TAFA4: variants seen among roughly 807,000 people sequenced by gnomAD.
TAFA4 encodes the protein TAFA chemokine like family member 4, also known as chemokine-like protein TAFA-4.
A neutral mutation model predicts 21.1 loss-of-function variants in TAFA4; 20 were observed. The ratio of observed to expected loss-of-function variants is 0.95; its 90% CI spans 0.67 to 1.38. The LOEUF (loss-of-function observed/expected upper bound fraction) is 1.38, where lower values mean the gene tolerates loss of function less well. TAFA4 is among the 40% of genes most tolerant of loss of function. The pLI is 0.00. For synonymous variants in TAFA4, 71 were observed against 67.4 expected, an observed-to-expected ratio of 1.05 and a Z score of -0.26; for missense variants, 211 against 180.9, an observed-to-expected ratio of 1.17 and a Z score of -0.95.
At chr3:68,783,462 G>A (rs1703186091) in intron 3 of TAFA4, among the ~76,000 whole-genome samples, 1 of 152,108 alleles carries the variant, frequency 6.6e-6, no homozygotes, top group Non-Finnish European at 1.5e-5. Flanking sequence ...ACTGAGATGA[G>A]GAGAGGCCTT....
chr3:68,784,914 G>A (rs1352148611), intron 3 of TAFA4, among the ~76,000 whole-genome samples: 1 of 151,858 alleles, frequency 6.6e-6, no homozygotes, highest in Admixed American at 6.5e-5. Context: ...CCCCACCAGA[G>A]TAGCTAGATA....
chr3:68,755,463 G>T (rs1702644145), intron 3 of TAFA4, among the ~76,000 whole-genome samples: 1 of 152,172 alleles, frequency 6.6e-6, no homozygotes, highest in South Asian at 2.1e-4. Context: ...TTCTAGGAAA[G>T]GGTGCATCTG....
Position 68,836,134 on chromosome 3 carries a change from G to A in TAFA4, c.130+44596C>T, listed in dbSNP as rs189174168. ...AAGAAGGTATAATACCCAATCTCCC[G>A]CTTCGGGCCCCTTATGTTTTCTGGT... is the stretch of plus-strand genomic sequence containing the variant. On this transcript the variant is annotated intron_variant, in intron 3 of 5. Transcript: ENST00000295569. 7.2e-5 allele frequency among the ~76,000 whole-genome samples: 11 copies of A among 152,254 alleles called. No homozygotes were observed. In the East Asian group the frequency reaches 7.7e-4, roughly 11 times the overall value.
At chr3:68,878,519 C>T (rs2089579614) in intron 3 of TAFA4, among the ~76,000 whole-genome samples, 1 of 152,078 alleles carries the variant, frequency 6.6e-6, no homozygotes, top group Admixed American at 6.6e-5. Context: ...ATTTGCTACC[C>T]TCTTGTGGGG....
intron 3 of TAFA4, among the ~76,000 whole-genome samples, chr3:68,820,057 A>T (rs1379679707): frequency 6.6e-6 from 1 of 152,216 alleles, no homozygotes; most frequent in Non-Finnish European, 1.5e-5. Flanking sequence ...TGAATGAAGG[A>T]ATAAAGAAAA....
intron 3 of TAFA4, among the ~76,000 whole-genome samples, chr3:68,810,074 A>G (rs544115632): frequency 6.6e-6 from 1 of 152,332 alleles, no homozygotes; most frequent in South Asian, 2.1e-4. Context: ...GTGGTTCCAC[A>G]TGAATTTTAG....
intron 3 of TAFA4, among the ~76,000 whole-genome samples, chr3:68,796,535 A>G (rs1308096583): frequency 6.6e-6 from 1 of 152,220 alleles, no homozygotes; most frequent in South Asian, 2.1e-4. Context: ...CTAAAACTAT[A>G]AACTCTTAGA....
chr3:68,819,191 A>T lies in TAFA4; in HGVS notation c.130+61539T>A, dbSNP rs1199169725. ...AAGGCTGAGGTGGGAGAACCACTTG[A>T]GCCTGGAGGCGGAGGTTGCAGTGAG... On this transcript the variant is annotated intron_variant, in intron 3 of 5. Coordinates refer to ENST00000295569, the MANE Select transcript of TAFA4 (RefSeq NM_182522.5). Among the ~76,000 whole-genome samples, 4 of 148,874 alleles carry T rather than the reference A, an allele frequency of 2.7e-5. No individual in the cohort carries two copies. The Admixed American group carries it at 2.8e-4, about 10-fold the overall frequency.
intron 3 of TAFA4, among the ~76,000 whole-genome samples, chr3:68,771,710 C>T (rs772471423): frequency 6.6e-6 from 1 of 152,120 alleles, no homozygotes; most frequent in Admixed American, 6.5e-5. Flanking sequence ...AATGTGCAAA[C>T]AGATTCAGAG....
chr3:68,768,394 A>C (rs1395516096), intron 3 of TAFA4, among the ~76,000 whole-genome samples: 1 of 152,204 alleles, frequency 6.6e-6, no homozygotes, highest in African/African-American at 2.4e-5. Flanking sequence ...GAAAGCCACA[A>C]TGAGACATCA....
At chr3:68,747,702 C>T (rs1261011756) in intron 4 of TAFA4, among the ~76,000 whole-genome samples, 5 of 152,182 alleles carry the variant, frequency 3.3e-5, no homozygotes, top group Admixed American at 6.5e-5. Context: ...CCTATGCTGA[C>T]GAGGTGACCT....
intron 4 of TAFA4, among the ~76,000 whole-genome samples, chr3:68,748,311 T>G (rs1702497476): frequency 6.6e-6 from 1 of 152,192 alleles, no homozygotes; most frequent in Admixed American, 6.5e-5. Context: ...AAAAATACGT[T>G]TTAAGTGGAA....
intron 3 of TAFA4, among the ~76,000 whole-genome samples, chr3:68,858,959 T>A (rs2089288237): frequency 6.6e-6 from 1 of 151,334 alleles, no homozygotes; most frequent in South Asian, 2.1e-4. Context: ...GAGGGTGACA[T>A]AGAGAATGAA....
chr3:68,825,354 T>C (rs919792478), intron 3 of TAFA4, among the ~76,000 whole-genome samples: 1 of 152,202 alleles, frequency 6.6e-6, no homozygotes, highest in African/African-American at 2.4e-5. Context: ...ATGTACTACA[T>C]TTTCTTTATC....
intron 3 of TAFA4, among the ~76,000 whole-genome samples, chr3:68,853,769 G>A (rs946930587): frequency 1.3e-5 from 2 of 152,152 alleles, no homozygotes; most frequent in Non-Finnish European, 2.9e-5. Context: ...GAGGCATTCT[G>A]GATCCTCCAC....
rs1454250696 is a variant in TAFA4 at position 68,918,410 on chromosome 3, C to T, written c.-123+13830G>A. Among the ~76,000 whole-genome samples, 6 of 152,204 alleles carry T rather than the reference C, an allele frequency of 3.9e-5. No individual in the cohort carries two copies. The East Asian group carries it at 9.6e-4, about 24-fold the overall frequency. On this transcript the variant is annotated intron_variant, in intron 1 of 5. Coordinates refer to ENST00000295569, the MANE Select transcript of TAFA4 (RefSeq NM_182522.5). The stretch of plus-strand genomic sequence containing the variant: ...ACATGGGAATCTTATCCATCTTCTG[C>T]CTCTGTCATCCTCACTCAATCTACT...
At chr3:68,787,866 A>G (rs1703289605) in intron 3 of TAFA4, among the ~76,000 whole-genome samples, 1 of 152,238 alleles carries the variant, frequency 6.6e-6, no homozygotes, top group African/African-American at 2.4e-5. Context: ...AGCAACTTGT[A>G]ACCCGATTCC....
At chr3:68,825,104 C>T (rs890109759) in intron 3 of TAFA4, among the ~76,000 whole-genome samples, 2 of 152,178 alleles carry the variant, frequency 1.3e-5, no homozygotes, top group Admixed American at 1.3e-4. Context: ...CATACATTTG[C>T]TATTTTTCTT....
intron 3 of TAFA4, among the ~76,000 whole-genome samples, chr3:68,803,225 G>C (rs775501118): frequency 2.6e-5 from 4 of 152,158 alleles, no homozygotes; most frequent in Non-Finnish European, 5.9e-5. Context: ...TATGTTCTGT[G>C]CTAGATAATG....
Sources: allele counts gnomAD v4.1 joint callset (sites outside exome capture counted in the v4.1 genomes callset), GRCh38; gene constraint gnomAD v4.1.1; transcripts MANE v1.5; gene names NCBI Gene and HGNC (gene_info 2026-07-23, HGNC 2026-07-21).